The following MAST4 variants were observed in gnomAD, a reference collection of about 807,000 sequenced individuals.
The protein encoded by MAST4 is microtubule-associated serine/threonine-protein kinase 4.
Under a neutral mutation model 162.7 loss-of-function variants are expected in MAST4, and 89 were observed. The ratio of observed to expected loss-of-function variants is 0.55; its 90% confidence interval spans 0.46 to 0.65. MAST4 has a LOEUF of 0.65. Among genes scored for constraint, MAST4 ranks in the 30% least tolerant of loss-of-function variants. The pLI is 0.00. For missense variants in MAST4, 3,153 were observed against 3,374.0 expected (o/e 0.93, Z 1.62); for synonymous variants, 1,479 against 1,361.1 (o/e 1.09, Z -1.91).
At chr5:67,136,188 G>T (rs1249609213) in intron 18 of MAST4, among the ~76,000 whole-genome samples, 1 of 152,164 alleles carries the variant, frequency 6.6e-6, no homozygotes, top group Non-Finnish European at 1.5e-5. Context: ...GGATATATTA[G>T]CCACCTGAAA....
At chr5:66,903,358 T>A (rs1580819882) in intron 4 of MAST4, among the ~76,000 whole-genome samples, 1 of 151,230 alleles carries the variant, frequency 6.6e-6, no homozygotes, top group Non-Finnish European at 1.5e-5. Context: ...GAAGTAGGAT[T>A]CAAATTGCTT....
At chr5:66,624,146 G>GTTTTTTTTTTTTTTTTTTTT (rs200030700) in intron 1 of MAST4, among the ~76,000 whole-genome samples, 6 of 90,128 alleles carry the variant, frequency 6.7e-5, no homozygotes, top group Non-Finnish European at 1.0e-4. Context: ...TTGTTAAAAT[G>GTTTTTTTTTTTTTTTTTTTT]TTTTTTTTTT....
intron 10 of MAST4, among the ~76,000 whole-genome samples, chr5:67,106,710 C>T (rs1381546547): frequency 6.6e-6 from 1 of 152,134 alleles, no homozygotes; most frequent in Admixed American, 6.5e-5. Context: ...AAAACTATAA[C>T]ATGGCCTGTT....
chr5:66,932,187 G>A lies in MAST4; in HGVS notation c.674+32205G>A, dbSNP rs200776641. Reference sequence around the variant, plus strand: ...AAAAGTCTTCATCAGGTCTGTCACCGTTATCAGAAACATGCCAAAACCTTA... The same window carrying A: ...AAAAGTCTTCATCAGGTCTGTCACCATTATCAGAAACATGCCAAAACCTTA... On this transcript the variant is annotated intron_variant, in intron 4 of 28. Coordinates refer to ENST00000403625, the MANE Select transcript of MAST4 (RefSeq NM_001164664.2). Among the ~76,000 whole-genome samples, 118 of 152,262 alleles carry A rather than the reference G, an allele frequency of 7.7e-4. No individual in the cohort carries two copies. In the East Asian group the frequency reaches 0.011, roughly 14 times the overall value.
Position 66,819,827 on chromosome 5 carries a change from G to A in MAST4, c.642+31033G>A, listed in dbSNP as rs111807607. 4.7e-3 allele frequency among the ~76,000 whole-genome samples: 704 copies of A among 149,890 alleles called. 7 individuals are homozygous for A. The highest frequency in any genetic ancestry group is 8.3e-3 in the Non-Finnish European group (563 of 67,696). On this transcript the variant is annotated intron_variant, in intron 3 of 28. Coordinates refer to ENST00000403625, the MANE Select transcript of MAST4 (RefSeq NM_001164664.2). Reference sequence around the variant, plus strand: ...CTCACTCTGTCCCCAAGGCTGGAGTGCACTGGTGCAATCTCAGCTCACTGC... The same window carrying A: ...CTCACTCTGTCCCCAAGGCTGGAGTACACTGGTGCAATCTCAGCTCACTGC...
chr5:66,919,282 A>G (rs1194496015), intron 4 of MAST4, among the ~76,000 whole-genome samples: 1 of 152,200 alleles, frequency 6.6e-6, no homozygotes. Flanking sequence ...AAAAAAGGAT[A>G]GTCAACTTAG....
intron 3 of MAST4, among the ~76,000 whole-genome samples, chr5:66,804,998 G>A (rs544837060): frequency 6.6e-6 from 1 of 152,012 alleles, no homozygotes; most frequent in African/African-American, 2.4e-5. Flanking sequence ...TTTTTCCAGA[G>A]GTTTGTCTAC....
chr5:66,986,137 G>C (rs1035307640), intron 4 of MAST4, among the ~76,000 whole-genome samples: 3 of 152,174 alleles, frequency 2.0e-5, no homozygotes, highest in Non-Finnish European at 4.4e-5. Flanking sequence ...CCAGGATGTA[G>C]AAGTTTGAAA....
intron 1 of MAST4, among the ~76,000 whole-genome samples, chr5:66,707,495 C>G (rs1372931639): frequency 2.6e-5 from 4 of 152,156 alleles, no homozygotes; most frequent in African/African-American, 9.7e-5. Context: ...AGTTCAAGAT[C>G]AAGGTGCGAG....
intron 4 of MAST4, among the ~76,000 whole-genome samples, chr5:67,015,744 G>A (rs969366725): frequency 2.0e-5 from 3 of 152,158 alleles, no homozygotes; most frequent in South Asian, 2.1e-4. Context: ...AGAGCTGGAC[G>A]ATTAACCTCT....
intron 4 of MAST4, among the ~76,000 whole-genome samples, chr5:66,994,113 A>G (rs949698464): frequency 3.2e-4 from 48 of 152,078 alleles, no homozygotes; most frequent in African/African-American, 1.2e-3. Context: ...ATGGTTTCAC[A>G]TTGACAGTGA....
At chr5:66,971,271 C>T (rs1456094748) in intron 4 of MAST4, among the ~76,000 whole-genome samples, 1 of 152,096 alleles carries the variant, frequency 6.6e-6, no homozygotes, top group East Asian at 1.9e-4. Flanking sequence ...TTGTTTTAGA[C>T]AGAGCCTAGG....
chr5:66,970,084 C>T (rs952983932), intron 4 of MAST4, among the ~76,000 whole-genome samples: 3 of 152,258 alleles, frequency 2.0e-5, no homozygotes, highest in East Asian at 1.9e-4. Flanking sequence ...ATTATGAACA[C>T]GGTGCCAGCC....
intron 4 of MAST4, among the ~76,000 whole-genome samples, chr5:66,953,488 C>G (rs949660041): frequency 4.6e-5 from 7 of 152,082 alleles, no homozygotes; most frequent in African/African-American, 1.7e-4. Context: ...ATCTAGGTTG[C>G]TGTTCCTGTA....
At chr5:66,852,104 A>G (rs1011622849) in intron 3 of MAST4, among the ~76,000 whole-genome samples, 22 of 152,306 alleles carry the variant, frequency 1.4e-4, no homozygotes, top group Admixed American at 1.2e-3. Context: ...CACTGTATAT[A>G]TATAGATATA....
In MAST4 at chr5:67,078,907, T is replaced by TATAAATAAATAA. The variant is rs796522536; in HGVS notation, c.764-11248_764-11247insAATAAATAAATA. ...ATATTTATATATTTATATATTTTTA[T>TATAAATAAATAA]ATAAATATATATATATATATATATA... On this transcript the variant is annotated intron_variant, in intron 5 of 28. Coordinates refer to ENST00000403625, the MANE Select transcript of MAST4 (RefSeq NM_001164664.2). Among the ~76,000 whole-genome samples, 32 of 21,512 alleles carry TATAAATAAATAA rather than the reference T, an allele frequency of 1.5e-3. 1 individual carries two copies. Among genetic ancestry groups the TATAAATAAATAA allele is most frequent in the African/African-American group, 6.5e-3 (31 of 4,782 alleles). 14.1% of individuals were successfully genotyped at this position (21,512 alleles called of 152,430 possible). A position where few individuals can be genotyped will look rare whatever the true frequency, so the allele number is the denominator to read the frequency against.
At chr5:66,670,114 G>A (rs148156219) in intron 1 of MAST4, among the ~76,000 whole-genome samples, 1 of 152,300 alleles carries the variant, frequency 6.6e-6, no homozygotes, top group African/African-American at 2.4e-5. Context: ...TTAACCTTTT[G>A]CACTGCCTGG....
chr5:67,101,849 G>A (rs1395042879), intron 8 of MAST4, among the ~76,000 whole-genome samples: 6 of 151,634 alleles, frequency 4.0e-5, no homozygotes, highest in South Asian at 2.1e-4. Context: ...CCTAAGGTGC[G>A]TAGTATAAGC....
In MAST4 at chr5:67,166,939, C is replaced by T. The variant is rs754086555; in HGVS notation, c.7760C>T (p.Pro2587Leu). ...NVGRDVTKPS[P>L]APNTDRPISL... ...GGCAGAGACGTGACCAAGCCATCCC[C>T]AGCCCCAAACACTGACCGCCCCATC... Residue 2587 changes from proline to leucine, a missense_variant, in exon 29 of 29, where the codon CCA becomes CTA. This residue lies in a region of MAST4 where 1,644 missense variants were observed against 1,495.0 expected (regional missense o/e 1.10). Transcript: ENST00000403625. 7.4e-6 allele frequency: 12 copies of T among 1,612,284 alleles called. No individual in the cohort carries two copies. Among genetic ancestry groups the T allele is most frequent in the Admixed American group, 1.7e-5 (1 of 59,880 alleles).
Sources: gnomAD v4.1 joint callset for allele counts (sites outside exome capture counted in the v4.1 genomes callset) on GRCh38, gnomAD v4.1.1 for gene constraint, gnomAD v4.1.1 regional missense constraint, MANE v1.5 for transcripts, NCBI Gene and HGNC (gene_info 2026-07-23, HGNC 2026-07-21) for gene names.